GLI3: variants seen among roughly 807,000 people sequenced by gnomAD.
The protein encoded by GLI3 is GLI family zinc finger 3.
In GLI3, 20 loss-of-function variants were observed where a neutral mutation model predicts 100.8. The observed-to-expected ratio is 0.20, with a 90% CI of 0.14 to 0.29. GLI3 has a LOEUF of 0.29. Among genes scored for constraint, GLI3 ranks in the 10% least tolerant of loss-of-function variants. The pLI, the probability that GLI3 is intolerant of heterozygous loss-of-function variation, is 1.00. For synonymous variants in GLI3, 938 were observed against 860.5 expected, an observed-to-expected ratio of 1.09 and a Z score of -1.58; for missense variants, 2,040 against 2,128.5, an observed-to-expected ratio of 0.96 and a Z score of 0.82.
chr7:42,227,221 A>G (rs1452055064), intron 1 of GLI3, among the ~76,000 whole-genome samples: 1 of 151,620 alleles, frequency 6.6e-6, no homozygotes, highest in Non-Finnish European at 1.5e-5. Context: ...CCCTTTCACC[A>G]CTGAAACATT....
intron 1 of GLI3, among the ~76,000 whole-genome samples, chr7:42,259,644 A>G: frequency 6.6e-6 from 1 of 152,164 alleles, no homozygotes; most frequent in East Asian, 1.9e-4. Flanking sequence ...ATGATAGAAA[A>G]TTATTTGTGA....
At chr7:42,042,183 T>G (rs1350484859) in intron 6 of GLI3, among the ~76,000 whole-genome samples, 1 of 152,084 alleles carries the variant, frequency 6.6e-6, no homozygotes, top group Non-Finnish European at 1.5e-5. Context: ...CGGATAATTT[T>G]TTTTTATTTT....
chr7:42,074,713 C>G (rs574892503), intron 4 of GLI3, among the ~76,000 whole-genome samples: 66 of 152,236 alleles, frequency 4.3e-4, no homozygotes, highest in Non-Finnish European at 9.0e-4. Flanking sequence ...CCAGGCAGTC[C>G]CAGGAGGCCA....
At chr7:41,968,700 A>T (rs1354735675) in intron 13 of GLI3, among the ~76,000 whole-genome samples, 3 of 124,208 alleles carry the variant, frequency 2.4e-5, no homozygotes, top group African/African-American at 1.1e-4. Context: ...AAAGAAAGAA[A>T]GAAAGAAAGA....
intron 10 of GLI3, among the ~76,000 whole-genome samples, chr7:41,990,563 A>G (rs1787957368): frequency 6.6e-6 from 1 of 152,220 alleles, no homozygotes; most frequent in Non-Finnish European, 1.5e-5. Flanking sequence ...AGAAATTCTG[A>G]TATAATTTTG....
intron 10 of GLI3, among the ~76,000 whole-genome samples, chr7:42,001,803 T>A (rs1788302903): frequency 6.6e-6 from 1 of 151,706 alleles, no homozygotes; most frequent in African/African-American, 2.4e-5. Flanking sequence ...CAATAATAAC[T>A]GAGTCTACTG....
In GLI3 at chr7:42,023,563, C is replaced by G; in HGVS notation, c.1402G>C (p.Asp468His). 1 of 1,613,154 alleles carries G rather than the reference C, an allele frequency of 6.2e-7. No homozygotes were observed. The highest frequency in any genetic ancestry group is 8.5e-7 in the Non-Finnish European group (1 of 1,179,648). ...ACTTCAGGCTCCTGTTTGCTTTCAT[C>G]TTTGTCCCCTTCCTCCTTGACAAGG... ...TTLVKEEGDKDESKQEPEVIY... is the reference protein window; with the variant it reads ...TTLVKEEGDKHESKQEPEVIY... Residue 468 changes from aspartate (D) to histidine (H), a missense_variant, in exon 10 of 15, where the codon GAT becomes CAT. Physicochemically the swap from Asp to His is moderately conservative, Grantham distance 81 (BLOSUM62 -1). Around this residue, in one of 5 missense-constraint regions of GLI3, gnomAD observed 603 missense variants for 690.9 expected, o/e 0.87. Coordinates refer to ENST00000395925, the MANE Select transcript of GLI3 (RefSeq NM_000168.6).
intron 1 of GLI3, among the ~76,000 whole-genome samples, chr7:42,226,437 C>G (rs1048202177): frequency 6.6e-6 from 1 of 152,164 alleles, no homozygotes; most frequent in Non-Finnish European, 1.5e-5. Context: ...ATAAAACCCT[C>G]CCAATGCTCA....
intron 10 of GLI3, among the ~76,000 whole-genome samples, chr7:42,004,041 GCAAA>G (rs1264473246): frequency 1.3e-5 from 2 of 152,124 alleles, no homozygotes; most frequent in African/African-American, 4.8e-5. Context: ...TCTCTATGTG[GCAAA>G]CAGTCAGTAA....
chr7:42,046,801 T>C (rs1270206228), intron 5 of GLI3, among the ~76,000 whole-genome samples: 1 of 152,208 alleles, frequency 6.6e-6, no homozygotes, highest in Non-Finnish European at 1.5e-5. Flanking sequence ...TCTCCAGTTC[T>C]TCAAGTGCAA....
At chr7:42,254,338 G>A (rs929877821) in intron 1 of GLI3, among the ~76,000 whole-genome samples, 2 of 152,112 alleles carry the variant, frequency 1.3e-5, no homozygotes, top group African/African-American at 4.8e-5. Flanking sequence ...GCAGGTGAAG[G>A]AGGCCATAGC....
intron 6 of GLI3, among the ~76,000 whole-genome samples, chr7:42,044,415 G>A (rs1784203734): frequency 6.6e-6 from 1 of 152,182 alleles, no homozygotes; most frequent in Non-Finnish European, 1.5e-5. Context: ...GCTCTGGAAT[G>A]CTCTGATGAG....
rs1009587489 is a variant in GLI3, at chr7:41,960,989, T to C, written c.*3341A>G. The C allele has an allele frequency of 8.5e-6, 1 of 117,696 alleles. No homozygotes were observed. Among genetic ancestry groups the C allele is most frequent in the East Asian group, 2.2e-4 (1 of 4,484 alleles). The allele number at this position is 117,696 out of a possible 1,614,324, so 7.3% of individuals were successfully genotyped here. A position where few individuals can be genotyped will look rare whatever the true frequency, so the allele number is the denominator to read the frequency against. On this transcript the variant is annotated 3_prime_UTR_variant, in exon 15 of 15. Coordinates refer to ENST00000395925, the MANE Select transcript of GLI3 (RefSeq NM_000168.6). The stretch of plus-strand genomic sequence containing the variant: ...TTTTTTATTGACATTGTAAGAAACA[T>C]TTTTTTTTCTTTGTTACAAAAGGAC...
At chr7:42,186,579 C>T (rs1787720245) in intron 2 of GLI3, among the ~76,000 whole-genome samples, 1 of 152,206 alleles carries the variant, frequency 6.6e-6, no homozygotes, top group Non-Finnish European at 1.5e-5. Flanking sequence ...TGCCTGGGGA[C>T]AACACCCCTG....
chr7:42,139,708 A>G (rs562241153), intron 3 of GLI3, among the ~76,000 whole-genome samples: 1 of 152,310 alleles, frequency 6.6e-6, no homozygotes, highest in East Asian at 1.9e-4. Context: ...CCTGCTACAC[A>G]AAGGAATGCA....
intron 7 of GLI3, among the ~76,000 whole-genome samples, chr7:42,033,896 G>C (rs1789365098): frequency 6.6e-6 from 1 of 152,208 alleles, no homozygotes; most frequent in African/African-American, 2.4e-5. Flanking sequence ...CTCAGAAGTA[G>C]AGTACACAAA....
At chr7:42,196,438 G>C (rs1787930114) in intron 2 of GLI3, among the ~76,000 whole-genome samples, 1 of 152,138 alleles carries the variant, frequency 6.6e-6, no homozygotes, top group East Asian at 1.9e-4. Context: ...GATTAACGTT[G>C]CATTGCAGAA....
chr7:42,045,869 A>T (rs942850055), intron 5 of GLI3, among the ~76,000 whole-genome samples: 5 of 152,202 alleles, frequency 3.3e-5, no homozygotes, highest in Admixed American at 3.3e-4. Flanking sequence ...AAATCACTGT[A>T]TGTTTGCATT....
Position 41,965,067 on chromosome 7 carries a change from C to A in GLI3, c.4006G>T (p.Gly1336Trp). 2.5e-6 allele frequency: 4 copies of A among 1,613,876 alleles called. No individual in the cohort carries two copies. Among genetic ancestry groups the A allele is most frequent in the Non-Finnish European group, 3.4e-6 (4 of 1,180,038 alleles). Residue 1336 changes from glycine to tryptophan, a missense_variant, in exon 15 of 15, where the codon GGG becomes TGG. Gly to Trp is a radical substitution (Grantham distance 184). Around this residue, in one of 5 missense-constraint regions of GLI3, gnomAD observed 1,041 missense variants for 924.0 expected, o/e 1.13. Transcript: ENST00000395925. The stretch of plus-strand genomic sequence containing the variant: ...ATCTGCTGACCGGGGCGGCCTGCCC[C>A]CGGGTGCTGCATGCTGTCGCCGAGG... ...QLLGDSMQHP[G>W]AGRPGQQMLG...
Sources: gnomAD v4.1 joint callset for allele counts (sites outside exome capture counted in the v4.1 genomes callset) on GRCh38, gnomAD v4.1.1 for gene constraint, gnomAD v4.1.1 regional missense constraint, MANE v1.5 for transcripts, NCBI Gene and HGNC (gene_info 2026-07-23, HGNC 2026-07-21) for gene names.